GLI3: variants seen among roughly 807,000 people sequenced by gnomAD.
GLI3 encodes the protein transcription activator GLI3.
Under a neutral mutation model 100.8 loss-of-function variants are expected in GLI3, and 20 were observed. The observed-to-expected ratio is 0.20, with a 90% confidence interval of 0.14 to 0.29. The LOEUF (loss-of-function observed/expected upper bound fraction) is 0.29. Ranked by LOEUF, GLI3 falls within the 10% of genes least tolerant of loss-of-function variation. GLI3 has a pLI of 1.00. For synonymous variants in GLI3, 938 were observed against 860.5 expected, an observed-to-expected ratio of 1.09 and a Z score of -1.58; for missense variants, 2,040 against 2,128.5, an observed-to-expected ratio of 0.96 and a Z score of 0.82.
chr7:42,114,450 AAG>A (rs1330330162), intron 3 of GLI3, among the ~76,000 whole-genome samples: 2 of 152,122 alleles, frequency 1.3e-5, no homozygotes, highest in African/African-American at 4.8e-5. Context: ...GAAAAAAAAA[AAG>A]AAATACAGAA....
intron 3 of GLI3, among the ~76,000 whole-genome samples, chr7:42,077,911 G>A (rs926691146): frequency 3.3e-5 from 5 of 152,154 alleles, no homozygotes; most frequent in African/African-American, 1.2e-4. Flanking sequence ...AATGTGCCAG[G>A]ACATGTTCTT....
chr7:41,965,991 T>C lies in GLI3; in HGVS notation c.3082A>G (p.Ser1028Gly), dbSNP rs1787163099. The change falls in exon 15 of 15, where the codon AGC becomes GGC. Residue 1028 changes from serine to glycine, a missense_variant. Ser to Gly is a moderately conservative substitution (Grantham distance 56). Transcript: ENST00000395925. ...GCCATCGCCGGGGGGTTGCAGCTGC[T>C]GAGGCTGCTGAAGCGCGGCACACGA... ...LPRVPRFSSL[S>G]SCNPPAMATS... 1 of 1,604,360 alleles carries C rather than the reference T, an allele frequency of 6.2e-7. No homozygotes were observed.
intron 10 of GLI3, among the ~76,000 whole-genome samples, chr7:42,009,135 G>A (rs1312124069): frequency 6.6e-6 from 1 of 152,156 alleles, no homozygotes; most frequent in Non-Finnish European, 1.5e-5. Context: ...CCTAACTGCT[G>A]TTTAACACAA....
upstream of GLI3, among the ~76,000 whole-genome samples, chr7:42,241,554 TGGCCA>T: frequency 6.6e-6 from 1 of 152,210 alleles, no homozygotes; most frequent in East Asian, 1.9e-4. Flanking sequence ...CCACGCTGAC[TGGCCA>T]GCTGCCAGGA....
chr7:42,134,156 T>A (rs1423577219), intron 3 of GLI3, among the ~76,000 whole-genome samples: 1 of 151,844 alleles, frequency 6.6e-6, no homozygotes, highest in East Asian at 1.9e-4. Context: ...GTCTCAAAAG[T>A]CTTTTGTCCT....
intron 9 of GLI3, 117 bp from the exon 10 acceptor site, chr7:42,023,725 G>T: frequency 1.2e-6 from 1 of 819,716 alleles, no homozygotes; most frequent in Non-Finnish European, 2.1e-6. Flanking sequence ...AGGGTTTTGT[G>T]AAGTGAAGAA....
chr7:42,222,732 T>A lies in GLI3; in HGVS notation c.124+398A>T, dbSNP rs1433684865. On this transcript the variant is annotated intron_variant, in intron 2 of 14. Transcript: ENST00000395925. The stretch of plus-strand genomic sequence containing the variant: ...AAGTTGGGGTTGGAGGAGACTGCTG[T>A]CCTGTCACTAATTTTGACAAGACAA... 8 of 229,252 alleles carry A rather than the reference T, an allele frequency of 3.5e-5. No individual in the cohort carries two copies. The East Asian group carries it at 8.6e-4, about 25-fold the overall frequency. 14.2% of individuals were successfully genotyped at this position (229,252 alleles called of 1,614,324 possible).
intron 3 of GLI3, among the ~76,000 whole-genome samples, chr7:42,091,908 G>A (rs1331074880): frequency 2.0e-5 from 3 of 152,160 alleles, no homozygotes; most frequent in South Asian, 2.1e-4. Context: ...ACCTTCTACC[G>A]CAGAGTCAAA....
rs1208589443 is a variant in GLI3, at chr7:41,966,045, G to A, written c.3028C>T (p.Arg1010Trp). 2 of 1,585,394 alleles carry A rather than the reference G, an allele frequency of 1.3e-6. No homozygotes were observed. The highest frequency in any genetic ancestry group is 4.5e-5 in the East Asian group (2 of 44,044). ...HGVRRASDPV[R>W]TGSEGLALPR... ...AGGGCCAGGCCCTCGGAGCCTGTCCGCACCGGGTCGCTGGCCCTCCTCACG... is the reference window on the plus strand; with the variant it reads ...AGGGCCAGGCCCTCGGAGCCTGTCCACACCGGGTCGCTGGCCCTCCTCACG... Residue 1010 changes from arginine to tryptophan, a missense_variant, in exon 15 of 15, where the codon CGG becomes TGG. Coordinates refer to ENST00000395925, the MANE Select transcript of GLI3 (RefSeq NM_000168.6). This position sits in a 1 kb window ranked among gnomAD's most constrained non-coding sequence, Gnocchi z 5.8.
chr7:42,029,849 C>T (rs1177414698), intron 7 of GLI3, among the ~76,000 whole-genome samples: 1 of 152,158 alleles, frequency 6.6e-6, no homozygotes, highest in Non-Finnish European at 1.5e-5. Context: ...CTCATGGCAG[C>T]ACGCAGTACT....
In GLI3 at chr7:42,048,552, G is replaced by A. The variant is rs200244268; in HGVS notation, c.618C>T (p.Ser206=). 5 of 1,613,374 alleles carry A rather than the reference G, an allele frequency of 3.1e-6. No homozygotes were observed. The highest frequency in any genetic ancestry group is 4.5e-5 in the East Asian group (2 of 44,846). ...YINPYMDYIR[S]LHSSPSLSMI... The stretch of plus-strand genomic sequence containing the variant: ...TGGAGAGCGATGGGCTGCTGTGCAA[G>A]GAGCGGATATAGTCCATGTAGGGAT... Residue 206 remains serine (S), a synonymous_variant, in exon 5 of 15, where the codon TCC becomes TCT. Transcript: ENST00000395925.
intron 13 of GLI3, among the ~76,000 whole-genome samples, chr7:41,968,759 A>AGAAG (rs1291379394): frequency 8.2e-5 from 8 of 97,864 alleles, no homozygotes; most frequent in Admixed American, 8.1e-4. Context: ...AAAGAAAGAA[A>AGAAG]GAAGGAAAGA....
intron 2 of GLI3, among the ~76,000 whole-genome samples, chr7:42,203,818 G>C (rs1292967264): frequency 6.6e-6 from 1 of 152,074 alleles, no homozygotes; most frequent in African/African-American, 2.4e-5. Flanking sequence ...GGCCAACATG[G>C]TGAAACCCTG....
chr7:42,219,171 G>A (rs943770192), intron 2 of GLI3, among the ~76,000 whole-genome samples: 1 of 152,182 alleles, frequency 6.6e-6, no homozygotes, highest in African/African-American at 2.4e-5. Context: ...AGATCTGCAT[G>A]CATACTTTCT....
At chr7:42,194,671 ACT>A (rs1419639236) in intron 2 of GLI3, among the ~76,000 whole-genome samples, 1 of 149,650 alleles carries the variant, frequency 6.7e-6, no homozygotes, top group Non-Finnish European at 1.5e-5. Context: ...AGCATCTTTG[ACT>A]CTCCTTCCTC....
At chr7:42,058,267 A>G (rs1784502000) in intron 4 of GLI3, among the ~76,000 whole-genome samples, 1 of 152,208 alleles carries the variant, frequency 6.6e-6, no homozygotes, top group African/African-American at 2.4e-5. Flanking sequence ...AGAGTATGGA[A>G]GAAGGGCTTA....
At chr7:42,101,668 T>TTTTA (rs3057240) in intron 3 of GLI3, among the ~76,000 whole-genome samples, 2,867 of 148,044 alleles carry the variant, frequency 0.019, 83 homozygotes, top group African/African-American at 0.066. Flanking sequence ...GCTAGTATCT[T>TTTTA]TTTATTTATT....
intron 3 of GLI3, among the ~76,000 whole-genome samples, chr7:42,129,410 T>C (rs1438195115): frequency 1.3e-5 from 2 of 152,158 alleles, no homozygotes; most frequent in African/African-American, 4.8e-5. Flanking sequence ...GCAAGATGCA[T>C]AGTGGGTAAG....
intron 1 of GLI3, among the ~76,000 whole-genome samples, chr7:42,228,106 G>C (rs1788619412): frequency 6.6e-6 from 1 of 151,858 alleles, no homozygotes; most frequent in Non-Finnish European, 1.5e-5. Context: ...GTTCATTAGC[G>C]GGCGCGCCGG....
Sources: gnomAD v4.1 joint callset for allele counts (sites outside exome capture counted in the v4.1 genomes callset) on GRCh38, gnomAD v4.1.1 for gene constraint, Gnocchi (gnomAD v3.1) non-coding constraint, MANE v1.5 for transcripts, NCBI Gene and HGNC (gene_info 2026-07-23, HGNC 2026-07-21) for gene names.